The following CCDC57 variants were observed in gnomAD, a reference collection of about 807,000 sequenced individuals.
CCDC57 encodes coiled-coil domain-containing protein 57.
In CCDC57, 118 loss-of-function variants were observed where a neutral mutation model predicts 118.9. The observed-to-expected ratio is 0.99, with a 90% CI of 0.86 to 1.16. CCDC57 has a LOEUF of 1.16. CCDC57 is among the 50% of genes most tolerant of loss of function. CCDC57 has a pLI of 0.00. For synonymous variants in CCDC57, 527 were observed against 532.9 expected, an observed-to-expected ratio of 0.99 and a Z score of 0.15; for missense variants, 1,300 against 1,320.7, an observed-to-expected ratio of 0.98 and a Z score of 0.24.
At chr17:82,200,012 G>A (rs1000653131) in intron 3 of CCDC57, among the ~76,000 whole-genome samples, 2 of 152,210 alleles carry the variant, frequency 1.3e-5, no homozygotes, top group Non-Finnish European at 2.9e-5. Context: ...GACTGCAGAC[G>A]CGATCCCTGC....
At chr17:82,195,348 A>C (rs1410596535) in exon 5 of CCDC57, 1 of 1,595,422 alleles carries the variant, frequency 6.3e-7, no homozygotes, top group East Asian at 2.3e-5. Context: ...TTTCGATTCA[A>C]ACTCCAGCAG....
chr17:82,124,591 G>C (rs911253001), intron 19 of CCDC57, among the ~76,000 whole-genome samples: 1 of 151,950 alleles, frequency 6.6e-6, no homozygotes, highest in Non-Finnish European at 1.5e-5. Context: ...CCAGGAGTTC[G>C]AGACCAGCCT....
intron 15 of CCDC57, chr17:82,152,059 C>T (rs2042129699): frequency 4.5e-6 from 2 of 444,290 alleles, no homozygotes; most frequent in Admixed American, 3.9e-5. Context: ...CCCGCCATCC[C>T]TGCCTTCTGG....
At chr17:82,176,611 C>T (rs34199331) in intron 11 of CCDC57, among the ~76,000 whole-genome samples, 67,374 of 151,932 alleles carry the variant, frequency 0.44, 15,924 homozygotes, top group East Asian at 0.88. Context: ...CCTCCATACA[C>T]CAGCGTGGGC....
intron 5 of CCDC57, 170 bp from the exon 5 acceptor site, chr17:82,194,309 C>CTTTTT (rs10626911): frequency 1.2e-5 from 6 of 517,898 alleles, no homozygotes; most frequent in Middle Eastern, 5.5e-4. Context: ...GACTCAATGA[C>CTTTTT]TTTTTTTTTT....
rs1003299010 is a variant in CCDC57, at chr17:82,168,669, C to T, written c.1882+3032G>A. ...AAAAAGGGATGAAAAAGTTATACCA[C>T]GCGAATGCTAATCAAAAGAAAGCCC... On this transcript the variant is annotated intron_variant, in intron 13 of 19. Transcript: ENST00000665763. 2.0e-5 allele frequency among the ~76,000 whole-genome samples: 3 copies of T among 151,930 alleles called. No individual in the cohort carries two copies. The East Asian group carries it at 5.8e-4, about 29-fold the overall frequency.
intron 8 of CCDC57, among the ~76,000 whole-genome samples, 200 bp from the exon 8 acceptor site, chr17:82,184,132 C>A (rs1203661674): frequency 6.6e-6 from 1 of 150,428 alleles, no homozygotes; most frequent in African/African-American, 2.5e-5. Flanking sequence ...TGGTTCCGCA[C>A]AGGAAGAATT....
intron 16 of CCDC57, among the ~76,000 whole-genome samples, chr17:82,136,138 T>C (rs143599704): frequency 6.6e-6 from 1 of 152,142 alleles, no homozygotes; most frequent in African/African-American, 2.4e-5. Flanking sequence ...CCAAGAGAAC[T>C]GAATGTTCAC....
At chr17:82,123,557 T>G (rs2037024172) in intron 19 of CCDC57, among the ~76,000 whole-genome samples, 1 of 152,132 alleles carries the variant, frequency 6.6e-6, no homozygotes, top group South Asian at 2.1e-4. Context: ...TGTATGCACC[T>G]AACAGCGAAC....
intron 19 of CCDC57, among the ~76,000 whole-genome samples, chr17:82,114,457 C>T (rs2035590462): frequency 6.6e-6 from 1 of 152,192 alleles, no homozygotes; most frequent in Admixed American, 6.5e-5. Flanking sequence ...CACTGAAATG[C>T]CACTCTGGCG....
At chr17:82,158,759 G>C (rs34796376) in intron 14 of CCDC57, among the ~76,000 whole-genome samples, 1 of 151,092 alleles carries the variant, frequency 6.6e-6, no homozygotes, top group Non-Finnish European at 1.5e-5. Flanking sequence ...CATCTTAGTT[G>C]GTTGCTTAGG....
intron 11 of CCDC57, among the ~76,000 whole-genome samples, chr17:82,176,588 G>C (rs1237056415): frequency 1.3e-5 from 2 of 152,092 alleles, no homozygotes; most frequent in Non-Finnish European, 2.9e-5. Flanking sequence ...CCCAGAGCTG[G>C]GGGCCTTTGC....
chr17:82,107,539 T>C (rs544154838), intron 19 of CCDC57: 16 of 470,810 alleles, frequency 3.4e-5, no homozygotes, highest in South Asian at 2.5e-4. Context: ...CCCAGGTAGG[T>C]GCGTGCTTCT....
chr17:82,210,615 G>C (rs1222783737), intron 1 of CCDC57, among the ~76,000 whole-genome samples: 1 of 151,572 alleles, frequency 6.6e-6, no homozygotes, highest in Admixed American at 6.6e-5. Flanking sequence ...GGGAGGCAGA[G>C]GTTGCAGTGA....
intron 7 of CCDC57, 141 bp from the exon 7 acceptor site, chr17:82,188,560 G>A (rs2047266810): frequency 8.3e-6 from 7 of 842,304 alleles, no homozygotes; most frequent in Non-Finnish European, 1.1e-5. Context: ...CAGCCACCTG[G>A]CCACCTGTTC....
chr17:82,204,682 C>G lies in CCDC57; in HGVS notation c.-8-2730G>C, dbSNP rs375435733. 4.6e-5 allele frequency among the ~76,000 whole-genome samples: 7 copies of G among 152,218 alleles called. No individual in the cohort carries two copies. The East Asian group carries it at 1.2e-3, about 25-fold the overall frequency. ...CCTGTAGTCCCAGCTACTTGGGAGG[C>G]TGAGGCAGGAGAATGGCGTGAACCC... On this transcript the variant is annotated intron_variant, in intron 2 of 19. Coordinates refer to ENST00000665763, the Ensembl canonical transcript of CCDC57.
At chr17:82,203,786 G>A (rs186301829) in intron 2 of CCDC57, among the ~76,000 whole-genome samples, 25 of 152,334 alleles carry the variant, frequency 1.6e-4, no homozygotes, top group Admixed American at 9.8e-4. Flanking sequence ...ACCCAGTTGG[G>A]GGACAAGCAC....
At chr17:82,117,633 C>A (rs953987554) in intron 19 of CCDC57, among the ~76,000 whole-genome samples, 1 of 151,688 alleles carries the variant, frequency 6.6e-6, no homozygotes, top group Non-Finnish European at 1.5e-5. Context: ...CCAGCCTGGG[C>A]GACGGAGTGA....
intron 16 of CCDC57, among the ~76,000 whole-genome samples, chr17:82,145,014 C>CTT (rs557078740): frequency 3.8e-5 from 5 of 130,862 alleles, no homozygotes; most frequent in Admixed American, 8.9e-5. Flanking sequence ...TATTTCTTTT[C>CTT]TTTTTTTTTT....
Sources: allele counts gnomAD v4.1 joint callset (sites outside exome capture counted in the v4.1 genomes callset), GRCh38; gene constraint gnomAD v4.1.1; transcripts MANE v1.5; gene names NCBI Gene and HGNC (gene_info 2026-07-23, HGNC 2026-07-21).